RS1: variants seen among roughly 807,000 people sequenced by gnomAD.
RS1 encodes retinoschisin.
Under a neutral mutation model 20.8 loss-of-function variants are expected in RS1, and 2 were observed. The observed-to-expected ratio is 0.10, with a 90% CI of 0.04 to 0.30. The LOEUF is 0.30. RS1 is among the 10% of genes least tolerant of loss of function. The pLI is 1.00. For synonymous variants in RS1, 70 were observed against 75.8 expected (o/e 0.92, Z 0.40); for missense variants, 151 against 189.8 (o/e 0.80, Z 1.20).
At chrX:18,669,116 T>C (rs1439455515) in intron 1 of RS1, among the ~76,000 whole-genome samples, 1 of 111,514 alleles carries the variant, frequency 9.0e-6, no homozygotes, top group Non-Finnish European at 1.9e-5. Flanking sequence ...GATATTTTAA[T>C]ACGATGGATG....
intron 4 of RS1, among the ~76,000 whole-genome samples, chrX:18,645,769 A>G (rs929931947): frequency 9.0e-6 from 1 of 110,641 alleles, no homozygotes; most frequent in Admixed American, 9.7e-5. Context: ...GAGTCTGCTA[A>G]TTATCACCCG....
At chrX:18,658,724 T>C (rs371129418) in intron 1 of RS1, among the ~76,000 whole-genome samples, 1 of 110,899 alleles carries the variant, frequency 9.0e-6, no homozygotes. Flanking sequence ...CCCAAAGTGC[T>C]GGGGTTACAG....
In RS1 at chrX:18,651,022, C is replaced by A. The variant is rs745702108; in HGVS notation, c.185-3690G>T. On this transcript the variant is annotated intron_variant, in intron 3 of 5. Coordinates refer to ENST00000379984, the MANE Select transcript of RS1 (RefSeq NM_000330.4). ...TGAATTTGTGAGACTACGTTGATAA[C>A]CTTCTTGAATTTTGCATGTTTTTCT... 1.6e-4 allele frequency among the ~76,000 whole-genome samples: 18 copies of A among 111,262 alleles called. No homozygotes were observed. In the East Asian group the frequency reaches 4.8e-3, roughly 30 times the overall value.
intron 2 of RS1, 131 bp from the exon 3 acceptor site, chrX:18,656,889 A>T: frequency 1.8e-6 from 1 of 540,561 alleles, no homozygotes; most frequent in Non-Finnish European, 3.3e-6. Context: ...AAATTGAGCT[A>T]TTAATCCAGC....
intron 4 of RS1, chrX:18,645,997 CACTA>C (rs1170604831): frequency 8.3e-7 from 1 of 1,211,478 alleles, no homozygotes; most frequent in Non-Finnish European, 1.1e-6. Context: ...TGTTTCTCCC[CACTA>C]ACTAGACGGT....
chrX:18,642,540 T>C (rs1378546974), intron 5 of RS1, among the ~76,000 whole-genome samples: 1 of 112,078 alleles, frequency 8.9e-6, no homozygotes, highest in African/African-American at 3.2e-5. Context: ...GCCACTTGAC[T>C]CATCGCTTTT....
intron 1 of RS1, among the ~76,000 whole-genome samples, chrX:18,669,487 CAAAAAAAA>C (rs386416704): frequency 1.7e-5 from 1 of 58,908 alleles, no homozygotes; most frequent in East Asian, 8.2e-4. Context: ...GTGAAATTCT[CAAAAAAAA>C]AAAAAAAAAG....
intron 3 of RS1, among the ~76,000 whole-genome samples, chrX:18,651,996 A>G (rs1370213994): frequency 9.1e-6 from 1 of 109,675 alleles, no homozygotes; most frequent in East Asian, 2.9e-4. Flanking sequence ...GCCCGCCCTG[A>G]GCTGGCTGAG....
At chrX:18,642,252 A>C in intron 5 of RS1, 96 bp from the exon 6 acceptor site, 1 of 965,589 alleles carries the variant, frequency 1.0e-6, no homozygotes, top group Non-Finnish European at 1.5e-6. Context: ...TAACTATAGA[A>C]ATGATTAGGA....
At chrX:18,654,708 G>A (rs1928180384) in intron 3 of RS1, among the ~76,000 whole-genome samples, 1 of 111,401 alleles carries the variant, frequency 9.0e-6, no homozygotes, top group Admixed American at 9.6e-5. Flanking sequence ...GAGCCTGAGG[G>A]GATGTCTGAT....
In RS1 at chrX:18,640,824, T is replaced by A. The variant is rs1162333172; in HGVS notation, c.*1180A>T. The A allele has an allele frequency of 1.8e-5, 2 of 112,285 alleles. No homozygotes were observed. Among genetic ancestry groups the A allele is most frequent in the African/African-American group, 6.5e-5 (2 of 30,753 alleles). The allele number at this position is 112,285 out of a possible 1,213,427, so 9.3% of individuals were successfully genotyped here. A position where few individuals can be genotyped will look rare whatever the true frequency, so the allele number is the denominator to read the frequency against. On this transcript the variant is annotated 3_prime_UTR_variant, in exon 6 of 6. Transcript: ENST00000379984. ...ATATCCCTCTCCTGCCCCTCCCCCG[T>A]GTTAACAGCCTCTCCCAGGAAGGGG...
chrX:18,671,781 C>A (rs931154096), intron 1 of RS1, among the ~76,000 whole-genome samples: 6 of 111,562 alleles, frequency 5.4e-5, no homozygotes, highest in African/African-American at 2.0e-4. Flanking sequence ...TTTCTGAGAC[C>A]CATCCTGTTT....
rs1927585882 is a variant in RS1, at chrX:18,641,842, C to T, written c.*162G>A. On this transcript the variant is annotated 3_prime_UTR_variant, in exon 6 of 6. Transcript: ENST00000379984. Reference sequence around the variant, plus strand: ...AAGTTCATTTTTATTTCATTGAAATCAGAAAGCTATATCTTAAAAAAAAAA... The same window carrying T: ...AAGTTCATTTTTATTTCATTGAAATTAGAAAGCTATATCTTAAAAAAAAAA... 2 of 468,465 alleles carry T rather than the reference C, an allele frequency of 4.3e-6. No individual in the cohort carries two copies. The highest frequency in any genetic ancestry group is 5.0e-5 in the African/African-American group (2 of 39,766). The allele number at this position is 468,465 out of a possible 1,213,427, so 38.6% of individuals were successfully genotyped here. A position where few individuals can be genotyped will look rare whatever the true frequency, so the allele number is the denominator to read the frequency against.
chrX:18,658,045 C>A (rs1436736037), intron 1 of RS1, among the ~76,000 whole-genome samples: 1 of 111,121 alleles, frequency 9.0e-6, no homozygotes, highest in East Asian at 2.8e-4. Flanking sequence ...TGGCACGCGC[C>A]TGTAATCCCA....
chrX:18,666,332 C>A (rs765987009), intron 1 of RS1, among the ~76,000 whole-genome samples: 1 of 111,655 alleles, frequency 9.0e-6, no homozygotes, highest in African/African-American at 3.3e-5. Context: ...AGCAAAGATT[C>A]GAAGGAGGCG....
Position 18,650,545 on chromosome X carries a change from T to G in RS1, c.185-3213A>C, listed in dbSNP as rs143243059. 116 of 1,210,746 alleles carry G rather than the reference T, an allele frequency of 9.6e-5. No homozygotes were observed. Among genetic ancestry groups the G allele is most frequent in the Non-Finnish European group, 1.2e-4 (106 of 895,364 alleles). ...CGAGGCACTTCCATGTGCCCGACAC[T>G]CCAGGTCCGAGGCACTGATGCTTTC... On this transcript the variant is annotated intron_variant, in intron 3 of 5. Coordinates refer to ENST00000379984, the MANE Select transcript of RS1 (RefSeq NM_000330.4).
chrX:18,658,818 C>CATCAT (rs1928265302), intron 1 of RS1, among the ~76,000 whole-genome samples: 2 of 110,368 alleles, frequency 1.8e-5, no homozygotes, highest in South Asian at 3.9e-4. Context: ...TCATCATCAT[C>CATCAT]CCTTGTGTCT....
chrX:18,642,538 A>T (rs1927621097), intron 5 of RS1, among the ~76,000 whole-genome samples: 1 of 111,603 alleles, frequency 9.0e-6, no homozygotes, highest in Non-Finnish European at 1.9e-5. Context: ...ATGCCACTTG[A>T]CTCATCGCTT....
intron 3 of RS1, among the ~76,000 whole-genome samples, chrX:18,651,727 G>A: frequency 8.9e-6 from 1 of 111,915 alleles, no homozygotes; most frequent in Middle Eastern, 4.6e-3. Flanking sequence ...ATTACAATGG[G>A]GCACTCCGGC....
Sources: allele counts gnomAD v4.1 joint callset (sites outside exome capture counted in the v4.1 genomes callset), GRCh38; gene constraint gnomAD v4.1.1; transcripts MANE v1.5; gene names NCBI Gene and HGNC (gene_info 2026-07-23, HGNC 2026-07-21).